The following EXOC4 variants were observed in gnomAD, a reference collection of about 807,000 sequenced individuals.
EXOC4 encodes the protein SEC8-like 1.
Under a neutral mutation model 107.2 loss-of-function variants are expected in EXOC4, and 71 were observed. The observed-to-expected ratio is 0.66, with a 90% CI of 0.55 to 0.81. The LOEUF is 0.81. Among genes scored for constraint, EXOC4 ranks in the 30% least tolerant of loss-of-function variants. The pLI is 0.00. For synonymous variants in EXOC4, 456 were observed against 441.2 expected (o/e 1.03, Z -0.42); for missense variants, 1,108 against 1,189.6 (o/e 0.93, Z 1.01).
intron 9 of EXOC4, among the ~76,000 whole-genome samples, chr7:133,550,672 C>T (rs1458909869): frequency 6.6e-6 from 1 of 152,052 alleles, no homozygotes; most frequent in African/African-American, 2.4e-5. Context: ...CCAACCTTAA[C>T]TGAGATGCAG....
At chr7:133,517,731 G>C (rs971863426) in intron 9 of EXOC4, among the ~76,000 whole-genome samples, 3 of 152,134 alleles carry the variant, frequency 2.0e-5, no homozygotes, top group African/African-American at 7.2e-5. Context: ...ACAATACGTG[G>C]TAATTAAGGG....
At chr7:133,999,736 G>A (rs919609254) in intron 15 of EXOC4, among the ~76,000 whole-genome samples, 1 of 152,086 alleles carries the variant, frequency 6.6e-6, no homozygotes, top group African/African-American at 2.4e-5. Context: ...ACTATTGATC[G>A]TGTGCTTATA....
intron 11 of EXOC4, among the ~76,000 whole-genome samples, chr7:133,824,387 G>A (rs947221587): frequency 3.3e-5 from 5 of 151,876 alleles, no homozygotes; most frequent in South Asian, 4.2e-4. Context: ...TGCTGTTTAC[G>A]CACCTTCTGT....
chr7:133,619,004 C>T (rs1472454372), intron 9 of EXOC4, among the ~76,000 whole-genome samples: 1 of 152,094 alleles, frequency 6.6e-6, no homozygotes, highest in Non-Finnish European at 1.5e-5. Context: ...TAGAATATTA[C>T]AAAAATTGCT....
chr7:134,017,894 G>A (rs920488375), intron 17 of EXOC4, among the ~76,000 whole-genome samples: 1 of 152,108 alleles, frequency 6.6e-6, no homozygotes, highest in Admixed American at 6.5e-5. Context: ...ATAATTTAGG[G>A]TTCCTCGAGA....
In EXOC4 at chr7:133,975,496, G is replaced by A. The variant is rs191256341; in HGVS notation, c.2207-21996G>A. ...TTAAAGAATGTTATCATATCATATT[G>A]GAATTTACACAGCAAAGAAAGTAAA... is the stretch of plus-strand genomic sequence containing the variant. On this transcript the variant is annotated intron_variant, in intron 14 of 17. Transcript: ENST00000253861. 5.9e-5 allele frequency among the ~76,000 whole-genome samples: 9 copies of A among 152,132 alleles called. No homozygotes were observed. In the East Asian group the frequency reaches 1.7e-3, roughly 29 times the overall value.
the EXOC4 span, among the ~76,000 whole-genome samples, chr7:134,087,146 T>C: frequency 0.21 from 32,373 of 152,134 alleles, 5,196 homozygotes; most frequent in African/African-American, 0.45. Flanking sequence ...CTCATTTTAC[T>C]CCACCCTTAT....
intron 10 of EXOC4, among the ~76,000 whole-genome samples, chr7:133,718,254 G>A (rs980911873): frequency 9.9e-5 from 15 of 152,078 alleles, no homozygotes; most frequent in Admixed American, 5.9e-4. Context: ...CTGGTATTCC[G>A]CCTTACCACA....
chr7:133,341,497 G>A (rs1380569853), intron 5 of EXOC4, among the ~76,000 whole-genome samples: 1 of 152,160 alleles, frequency 6.6e-6, no homozygotes, highest in Non-Finnish European at 1.5e-5. Context: ...TGAATAGAAT[G>A]TATATTCTGC....
intron 8 of EXOC4, among the ~76,000 whole-genome samples, chr7:133,478,562 G>A (rs772962702): frequency 6.6e-6 from 1 of 152,090 alleles, no homozygotes; most frequent in Non-Finnish European, 1.5e-5. Context: ...AATTATATCA[G>A]TCTGTGACTT....
Position 133,683,251 on chromosome 7 carries a change from T to G in EXOC4, c.1514+53110T>G, listed in dbSNP as rs555277649. 8.5e-5 allele frequency among the ~76,000 whole-genome samples: 13 copies of G among 152,308 alleles called. 1 individual carries two copies. The South Asian group carries it at 2.7e-3, about 32-fold the overall frequency. On this transcript the variant is annotated intron_variant, in intron 10 of 17. Transcript: ENST00000253861. ...AAGTCACTGAGAGTGTTGTTTCTCC[T>G]TCTTCCAGGTCAACAGGCTTACTTT...
intron 10 of EXOC4, among the ~76,000 whole-genome samples, chr7:133,648,511 G>T (rs886700744): frequency 6.6e-6 from 1 of 151,972 alleles, no homozygotes; most frequent in African/African-American, 2.4e-5. Context: ...TTGTGAATTG[G>T]CTTTAAACAC....
chr7:133,755,251 TATTA>T (rs1291917557), intron 10 of EXOC4, among the ~76,000 whole-genome samples: 2 of 100,522 alleles, frequency 2.0e-5, no homozygotes, highest in East Asian at 2.3e-4. Flanking sequence ...ATAATATATA[TATTA>T]TATATATATT....
At chr7:134,098,294 T>C in the EXOC4 span, among the ~76,000 whole-genome samples, 1 of 152,246 alleles carries the variant, frequency 6.6e-6, no homozygotes, top group South Asian at 2.1e-4. Flanking sequence ...CCCGGTGACA[T>C]CAGAAAGGTC....
intron 17 of EXOC4, among the ~76,000 whole-genome samples, chr7:134,036,662 T>A (rs1795397731): frequency 6.6e-6 from 1 of 152,214 alleles, no homozygotes; most frequent in African/African-American, 2.4e-5. Context: ...TTTATATAAT[T>A]CATAGATTCT....
intron 11 of EXOC4, among the ~76,000 whole-genome samples, chr7:133,878,204 A>G (rs1461398902): frequency 1.3e-5 from 2 of 152,240 alleles, no homozygotes; most frequent in Non-Finnish European, 2.9e-5. Flanking sequence ...TCTAATATGT[A>G]GTCAATTTTG....
intron 10 of EXOC4, among the ~76,000 whole-genome samples, chr7:133,734,803 A>C (rs1795402876): frequency 6.6e-6 from 1 of 152,058 alleles, no homozygotes; most frequent in African/African-American, 2.4e-5. Flanking sequence ...AATCCAAAAC[A>C]CTTCTGATCC....
At chr7:133,858,404 G>A (rs527259491) in intron 11 of EXOC4, among the ~76,000 whole-genome samples, 1 of 152,136 alleles carries the variant, frequency 6.6e-6, no homozygotes, top group South Asian at 2.1e-4. Context: ...GGGAGGAAGT[G>A]TGTGCTGATT....
chr7:134,079,496 T>G, the EXOC4 span, among the ~76,000 whole-genome samples: 34 of 152,206 alleles, frequency 2.2e-4, no homozygotes, highest in Admixed American at 3.3e-4. Context: ...ATTCATTTCT[T>G]ACCCCTTTTA....
Sources: gnomAD v4.1 joint callset for allele counts (sites outside exome capture counted in the v4.1 genomes callset) on GRCh38, gnomAD v4.1.1 for gene constraint, MANE v1.5 for transcripts, NCBI Gene and HGNC (gene_info 2026-07-23, HGNC 2026-07-21) for gene names.